The following GRID1 variants were observed in gnomAD, a reference collection of about 807,000 sequenced individuals.
The protein encoded by GRID1 is glutamate receptor ionotropic, delta-1.
GRID1 carries 28 observed loss-of-function variants against 98.0 expected under a neutral mutation model. That is an observed-to-expected ratio of 0.29 (90% CI 0.21 to 0.39). The LOEUF (loss-of-function observed/expected upper bound fraction) is 0.39. GRID1 is among the 10% of genes least tolerant of loss of function. The pLI, the probability that GRID1 is intolerant of heterozygous loss-of-function variation, is 1.00. For synonymous variants in GRID1, 553 were observed against 538.5 expected, an observed-to-expected ratio of 1.03 and a Z score of -0.37; for missense variants, 1,111 against 1,340.5, an observed-to-expected ratio of 0.83 and a Z score of 2.67.
In GRID1 at chr10:85,915,215, C is replaced by T. The variant is rs751905562; in HGVS notation, c.780+971G>A. Among the ~76,000 whole-genome samples, 6 of 152,106 alleles carry T rather than the reference C, an allele frequency of 3.9e-5. No individual in the cohort carries two copies. In the East Asian group the frequency reaches 9.6e-4, roughly 24 times the overall value. On this transcript the variant is annotated intron_variant, in intron 5 of 15. Transcript: ENST00000327946. Reference sequence around the variant, plus strand: ...GCACACACAAACATACTTACACACACGCATGCACACACAAACACACATGCA... The same window carrying T: ...GCACACACAAACATACTTACACACATGCATGCACACACAAACACACATGCA...
chr10:85,630,726 A>T (rs1476634594), intron 13 of GRID1, among the ~76,000 whole-genome samples: 1 of 152,216 alleles, frequency 6.6e-6, no homozygotes, highest in Non-Finnish European at 1.5e-5. Context: ...TGAAGAACTT[A>T]TAAGAAATGT....
At chr10:86,288,593 G>A (rs568746941) in intron 2 of GRID1, among the ~76,000 whole-genome samples, 11 of 152,288 alleles carry the variant, frequency 7.2e-5, no homozygotes, top group South Asian at 6.2e-4. Flanking sequence ...CTTGCCTCTC[G>A]GTTGCGTTCT....
chr10:85,859,433 A>G (rs560112217), intron 6 of GRID1, among the ~76,000 whole-genome samples: 1 of 152,176 alleles, frequency 6.6e-6, no homozygotes, highest in African/African-American at 2.4e-5. Flanking sequence ...GGATGGATGG[A>G]TGCATGGAGT....
chr10:86,313,876 A>G (rs920463954), intron 2 of GRID1, among the ~76,000 whole-genome samples: 2 of 151,900 alleles, frequency 1.3e-5, no homozygotes, highest in South Asian at 2.1e-4. Flanking sequence ...TTTCTGCCAA[A>G]CTCCATGCTA....
At chr10:86,297,841 C>T (rs1234462150) in intron 2 of GRID1, among the ~76,000 whole-genome samples, 1 of 152,192 alleles carries the variant, frequency 6.6e-6, no homozygotes. Flanking sequence ...CAGGAAAATC[C>T]ACCTCTCCGG....
chr10:86,275,542 T>C (rs7898058), intron 2 of GRID1, among the ~76,000 whole-genome samples: 3,427 of 152,094 alleles, frequency 0.023, 44 homozygotes, highest in Middle Eastern at 0.051. Context: ...GGGGAAATTA[T>C]ACATAAACAA....
intron 3 of GRID1, among the ~76,000 whole-genome samples, chr10:86,186,531 G>T (rs1414938556): frequency 1.3e-5 from 2 of 151,960 alleles, no homozygotes; most frequent in Non-Finnish European, 1.5e-5. Flanking sequence ...GCTTCTCTAA[G>T]GGACAATGGG....
intron 2 of GRID1, among the ~76,000 whole-genome samples, chr10:86,223,885 G>A (rs954307543): frequency 6.6e-6 from 1 of 152,146 alleles, no homozygotes; most frequent in African/African-American, 2.4e-5. Context: ...GATGGACCAA[G>A]GACCAGCAGG....
At chr10:85,928,584 G>T (rs1017275488) in intron 4 of GRID1, among the ~76,000 whole-genome samples, 1 of 152,324 alleles carries the variant, frequency 6.6e-6, no homozygotes, top group Admixed American at 6.5e-5. Context: ...CTTGCACCAC[G>T]ACTGATTCAC....
At chr10:85,998,787 A>C (rs750257133) in intron 4 of GRID1, among the ~76,000 whole-genome samples, 2 of 152,242 alleles carry the variant, frequency 1.3e-5, no homozygotes. Context: ...ACAAATAACC[A>C]ATTTTAGAAA....
intron 4 of GRID1, among the ~76,000 whole-genome samples, chr10:85,924,675 A>G (rs1589300566): frequency 6.6e-6 from 1 of 152,244 alleles, no homozygotes; most frequent in African/African-American, 2.4e-5. Context: ...ATTGGCTCAG[A>G]TCTCTGAAAA....
At chr10:86,242,162 T>C (rs1846647219) in intron 2 of GRID1, among the ~76,000 whole-genome samples, 2 of 152,194 alleles carry the variant, frequency 1.3e-5, no homozygotes, top group Admixed American at 1.3e-4. Flanking sequence ...GAGTATGTGG[T>C]TGCTAAATCA....
At chr10:85,894,480 T>C (rs550979317) in intron 5 of GRID1, among the ~76,000 whole-genome samples, 48 of 152,162 alleles carry the variant, frequency 3.2e-4, no homozygotes, top group African/African-American at 1.1e-3. Context: ...GTCTTGAGAT[T>C]AGGTAGAGGT....
intron 5 of GRID1, among the ~76,000 whole-genome samples, chr10:85,905,352 G>A (rs1029783864): frequency 4.6e-5 from 7 of 151,764 alleles, no homozygotes; most frequent in African/African-American, 1.5e-4. Flanking sequence ...TTCACCACCA[G>A]CAGAACTGTA....
At chr10:85,679,326 C>T (rs907512334) in intron 12 of GRID1, among the ~76,000 whole-genome samples, 4 of 152,226 alleles carry the variant, frequency 2.6e-5, no homozygotes, top group African/African-American at 9.6e-5. Context: ...TTTGTCTGAG[C>T]CCTCCTGATT....
At chr10:85,806,425 A>G (rs148330763) in intron 8 of GRID1, among the ~76,000 whole-genome samples, 173 of 152,268 alleles carry the variant, frequency 1.1e-3, no homozygotes, top group Admixed American at 3.6e-3. Flanking sequence ...TTCTTAGACT[A>G]TGGCTAGACA....
chr10:86,333,395 C>G (rs1564741508), intron 2 of GRID1, among the ~76,000 whole-genome samples: 3 of 152,252 alleles, frequency 2.0e-5, no homozygotes, highest in Non-Finnish European at 2.9e-5. Context: ...GTTTCCATAT[C>G]TATACTTTCC....
intron 4 of GRID1, among the ~76,000 whole-genome samples, chr10:86,027,538 G>A (rs1223373565): frequency 3.3e-5 from 5 of 152,158 alleles, no homozygotes; most frequent in African/African-American, 1.2e-4. Flanking sequence ...TGGCTGTTGT[G>A]AACAGTGCTG....
intron 12 of GRID1, among the ~76,000 whole-genome samples, chr10:85,659,651 G>A (rs1840942999): frequency 6.6e-6 from 1 of 152,192 alleles, no homozygotes; most frequent in Non-Finnish European, 1.5e-5. Context: ...TTCTGAATCA[G>A]TTTGCAGAAA....
Sources: allele counts gnomAD v4.1 joint callset (sites outside exome capture counted in the v4.1 genomes callset), GRCh38; gene constraint gnomAD v4.1.1; transcripts MANE v1.5; gene names NCBI Gene and HGNC (gene_info 2026-07-23, HGNC 2026-07-21).